FLRT1: variants seen among roughly 807,000 people sequenced by gnomAD.
FLRT1 encodes the protein leucine-rich repeat transmembrane protein FLRT1.
FLRT1 carries 14 observed loss-of-function variants against 30.9 expected under a neutral mutation model. The observed-to-expected ratio is 0.45, with a 90% CI of 0.30 to 0.71. The LOEUF (loss-of-function observed/expected upper bound fraction) is 0.71, where lower values mean the gene tolerates loss of function less well. FLRT1 is among the 30% of genes least tolerant of loss of function. The pLI is 0.08. For missense variants in FLRT1, 737 were observed against 949.2 expected (o/e 0.78, Z 2.94); for synonymous variants, 368 against 430.4 (o/e 0.85, Z 1.80).
Position 64,036,683 on chromosome 11 carries a change from T to G in FLRT1, c.-1038+524T>G, listed in dbSNP as rs112848802. On this transcript the variant is annotated intron_variant, in intron 1 of 2. Transcript: ENST00000682287. This position sits in a 1 kb window ranked among gnomAD's most constrained non-coding sequence, Gnocchi z 5.6. ...TTTTAAAACGACTTCAAGGGGGGCA[T>G]GAGCAGCCTCCAACTTCCCTCCCTG... Among the ~76,000 whole-genome samples the G allele has an allele frequency of 1.3e-5, 2 of 151,878 alleles. No homozygotes were observed. The highest frequency in any genetic ancestry group is 2.9e-5 in the Non-Finnish European group (2 of 67,966).
At chr11:64,059,889 C>A (rs943935147) in intron 1 of FLRT1, among the ~76,000 whole-genome samples, 2 of 151,988 alleles carry the variant, frequency 1.3e-5, no homozygotes, top group African/African-American at 4.8e-5. Context: ...CCTTGAAGGC[C>A]GAGGAGGCGA....
chr11:64,080,203 G>C (rs1944278823), intron 1 of FLRT1, among the ~76,000 whole-genome samples: 1 of 152,112 alleles, frequency 6.6e-6, no homozygotes, highest in African/African-American at 2.4e-5. Context: ...AGTAGAGACG[G>C]GGTATCAACA....
chr11:64,060,499 T>A (rs1943878782), intron 1 of FLRT1: 3 of 152,220 alleles, frequency 2.0e-5, no homozygotes, highest in African/African-American at 7.2e-5. Flanking sequence ...CACAGATGCC[T>A]GGCGGCTCCG....
At chr11:64,076,429 C>T (rs1944201757) in intron 1 of FLRT1, among the ~76,000 whole-genome samples, 1 of 152,114 alleles carries the variant, frequency 6.6e-6, no homozygotes, top group Non-Finnish European at 1.5e-5. Flanking sequence ...AGGTGGTCAA[C>T]TGTACTGGAT....
intron 1 of FLRT1, among the ~76,000 whole-genome samples, chr11:64,039,046 C>T (rs1199285685): frequency 6.6e-6 from 1 of 152,186 alleles, no homozygotes; most frequent in African/African-American, 2.4e-5. Flanking sequence ...TCAGCTTCTT[C>T]AGGCCTTGGG....
At chr11:64,047,726 T>C (rs999066521) in intron 1 of FLRT1, among the ~76,000 whole-genome samples, 1 of 151,736 alleles carries the variant, frequency 6.6e-6, no homozygotes, top group Non-Finnish European at 1.5e-5. Context: ...GTGAAACCCC[T>C]TCTCTACCAA....
chr11:64,104,538 G>A (rs961742702), intron 2 of FLRT1, among the ~76,000 whole-genome samples: 1 of 152,190 alleles, frequency 6.6e-6, no homozygotes, highest in Non-Finnish European at 1.5e-5. Flanking sequence ...AAAGGTGGTA[G>A]CAGTGAGGCC....
chr11:64,049,246 T>G (rs1943644775), intron 1 of FLRT1, among the ~76,000 whole-genome samples: 1 of 151,972 alleles, frequency 6.6e-6, no homozygotes, highest in African/African-American at 2.4e-5. Flanking sequence ...AACACCCCAT[T>G]GTGTAGTAGG....
chr11:64,079,345 C>T (rs929016216), intron 1 of FLRT1, among the ~76,000 whole-genome samples: 4 of 140,584 alleles, frequency 2.8e-5, no homozygotes, highest in South Asian at 2.2e-4. Flanking sequence ...TGGGAGGTTA[C>T]GGTTAAAGGG....
intron 1 of FLRT1, among the ~76,000 whole-genome samples, chr11:64,042,220 TCTC>T (rs1943501294): frequency 6.6e-6 from 1 of 152,088 alleles, no homozygotes. Context: ...CCCACCTTCC[TCTC>T]CTGTCTTCCC....
In FLRT1 at chr11:64,116,094, C is replaced by T. The variant is rs1037168605; in HGVS notation, c.-49-125C>T. ...AGGCCACTCCTCCAGCTTGACCTCACCCCGCAGGACCGGACTTCGGTCACC... is the reference window on the plus strand; with the variant it reads ...AGGCCACTCCTCCAGCTTGACCTCATCCCGCAGGACCGGACTTCGGTCACC... On this transcript the variant is annotated intron_variant, in intron 2 of 2. Coordinates refer to ENST00000682287, the MANE Select transcript of FLRT1 (RefSeq NM_013280.5). 5 of 978,490 alleles carry T rather than the reference C, an allele frequency of 5.1e-6. No homozygotes were observed. In the Admixed American group the frequency reaches 8.8e-5, roughly 17 times the overall value. 60.6% of individuals were successfully genotyped at this position (978,490 alleles called of 1,614,324 possible).
chr11:64,097,100 G>A (rs901731811), intron 1 of FLRT1, among the ~76,000 whole-genome samples: 1 of 152,226 alleles, frequency 6.6e-6, no homozygotes, highest in South Asian at 2.1e-4. Flanking sequence ...ACTGGCAGCT[G>A]TTTCTAGGTC....
At chr11:64,058,221 G>C (rs914419610) in intron 1 of FLRT1, among the ~76,000 whole-genome samples, 6 of 152,254 alleles carry the variant, frequency 3.9e-5, no homozygotes, top group African/African-American at 1.4e-4. Context: ...TAGAGAGGTG[G>C]GCATCTGAGC....
At chr11:64,078,516 G>A (rs561770909) in intron 1 of FLRT1, among the ~76,000 whole-genome samples, 3 of 152,226 alleles carry the variant, frequency 2.0e-5, no homozygotes, top group Admixed American at 6.5e-5. Flanking sequence ...TTGCAGCATC[G>A]GAGGGATACC....
intron 2 of FLRT1, among the ~76,000 whole-genome samples, chr11:64,108,083 G>A (rs770997751): frequency 2.0e-5 from 3 of 152,150 alleles, no homozygotes; most frequent in Non-Finnish European, 2.9e-5. Context: ...GGAGGCCGAG[G>A]CGGGCAGATC....
intron 1 of FLRT1, among the ~76,000 whole-genome samples, chr11:64,049,074 G>A (rs1451304054): frequency 6.6e-6 from 1 of 151,114 alleles, no homozygotes; most frequent in Non-Finnish European, 1.5e-5. Context: ...AGGGGGTGGG[G>A]CCTTTGCCTG....
chr11:64,085,311 T>G (rs1372355413), intron 1 of FLRT1, among the ~76,000 whole-genome samples: 1 of 152,194 alleles, frequency 6.6e-6, no homozygotes, highest in Admixed American at 6.5e-5. Flanking sequence ...AATTTTGAAC[T>G]GAAGTGCAAA....
intron 1 of FLRT1, among the ~76,000 whole-genome samples, chr11:64,073,606 G>C (rs1364658716): frequency 6.6e-6 from 1 of 152,232 alleles, no homozygotes; most frequent in African/African-American, 2.4e-5. Context: ...GGTACGGCAG[G>C]TGCAGGCCAG....
At position 64,117,086 on chromosome 11, in the gene FLRT1, G is replaced by C. The variant is rs1944999575; in HGVS notation, c.819G>C (p.Gln273His). Residue 273 changes from glutamine (Q) to histidine (H), a missense_variant, in exon 3 of 3, where the codon CAG becomes CAC. Coordinates refer to ENST00000682287, the MANE Select transcript of FLRT1 (RefSeq NM_013280.5). The stretch of plus-strand genomic sequence containing the variant: ...TCAACCTGCCCAGCGCCCACCTGCA[G>C]AAGCTCTACCTGCAGGACAATGCCA... ...PPLNLPSAHLQKLYLQDNAIS... is the reference protein window; with the variant it reads ...PPLNLPSAHLHKLYLQDNAIS... 1 of 1,603,638 alleles carries C rather than the reference G, an allele frequency of 6.2e-7. No homozygotes were observed. Among genetic ancestry groups the C allele is most frequent in the Non-Finnish European group, 8.5e-7 (1 of 1,175,304 alleles).
Sources: allele counts gnomAD v4.1 joint callset (sites outside exome capture counted in the v4.1 genomes callset), GRCh38; gene constraint gnomAD v4.1.1; non-coding constraint Gnocchi (gnomAD v3.1); transcripts MANE v1.5; gene names NCBI Gene and HGNC (gene_info 2026-07-23, HGNC 2026-07-21).